The following ABCA13 variants were observed in gnomAD, a reference collection of about 807,000 sequenced individuals.
The protein encoded by ABCA13 is ATP binding cassette subfamily A member 13.
A neutral mutation model predicts 478.7 loss-of-function variants in ABCA13; 476 were observed. That is an observed-to-expected ratio of 0.99 (90% CI 0.92 to 1.07). The LOEUF is 1.07. Among genes scored for constraint, ABCA13 ranks in the 50% least tolerant of loss-of-function variants. ABCA13 has a pLI of 0.00. For synonymous variants in ABCA13, 2,252 were observed against 2,158.9 expected, an observed-to-expected ratio of 1.04 and a Z score of -1.20; for missense variants, 6,060 against 5,910.6, an observed-to-expected ratio of 1.03 and a Z score of -0.83.
intron 59 of ABCA13, among the ~76,000 whole-genome samples, chr7:48,637,558 GA>G (rs1794775699): frequency 6.6e-6 from 1 of 151,932 alleles, no homozygotes; most frequent in South Asian, 2.1e-4. Flanking sequence ...GAAATGAAGG[GA>G]AATGTTCAGA....
Position 48,368,264 on chromosome 7 carries a change from AT to A in ABCA13, c.10803+364del, listed in dbSNP as rs974771764. On this transcript the variant is annotated intron_variant, in intron 32 of 61. Coordinates refer to ENST00000435803, the MANE Select transcript of ABCA13 (RefSeq NM_152701.5). ...GAATTTTTTATGTAGAGACCCTGCT[AT>A]TTTTTTTGTAATACTGTTATAAAAC... is the stretch of plus-strand genomic sequence containing the variant. Among the ~76,000 whole-genome samples, 43 of 152,032 alleles carry A rather than the reference AT, an allele frequency of 2.8e-4. No individual in the cohort carries two copies. The South Asian group carries it at 3.7e-3, about 13-fold the overall frequency.
In ABCA13 at chr7:48,278,943, A is replaced by G. The variant is rs762302345; in HGVS notation, c.7749A>G (p.Thr2583=). 3 of 1,613,488 alleles carry G rather than the reference A, an allele frequency of 1.9e-6. No individual in the cohort carries two copies. The highest frequency in any genetic ancestry group is 2.5e-6 in the Non-Finnish European group (3 of 1,179,840). Residue 2583 remains threonine, a synonymous_variant, in exon 18 of 62, where the codon ACA becomes ACG. Coordinates refer to ENST00000435803, the MANE Select transcript of ABCA13 (RefSeq NM_152701.5). Reference sequence around the variant, plus strand: ...CTTTAAAAAAAATAGATCATTTCACATTTGAAAAGATAAATGATTTGTTGG... The same window carrying G: ...CTTTAAAAAAAATAGATCATTTCACGTTTGAAAAGATAAATGATTTGTTGG... The part of the protein sequence containing the change: ...IATLKKIDHF[T]FEKINDLLVP...
At chr7:48,482,978 A>G in intron 46 of ABCA13, 98 bp from the exon 47 acceptor site, 1 of 923,776 alleles carries the variant, frequency 1.1e-6, no homozygotes, top group South Asian at 1.7e-5. Flanking sequence ...TACTGTCCTA[A>G]GACTGCTGTA....
intron 42 of ABCA13, among the ~76,000 whole-genome samples, chr7:48,440,205 C>A (rs980030810): frequency 6.6e-6 from 1 of 152,086 alleles, no homozygotes; most frequent in South Asian, 2.1e-4. Flanking sequence ...TACATACCTG[C>A]GTAACCACCA....
Position 48,427,771 on chromosome 7 carries a change from T to A in ABCA13, c.12465T>A (p.Phe4155Leu), listed in dbSNP as rs559798644. 1 of 1,612,756 alleles carries A rather than the reference T, an allele frequency of 6.2e-7. No homozygotes were observed. Among genetic ancestry groups the A allele is most frequent in the Admixed American group, 1.7e-5 (1 of 59,964 alleles). ...GISDTTLEEV[F>L]LMLLQDSNKK... ...CGTTTTTTTTTCTCCGAAAGGTGTT[T>A]TTGATGCTTTTGCAAGATTCCAACA... The change falls in exon 42 of 62, where the codon TTT becomes TTA. Residue 4155 changes from phenylalanine (F) to leucine (L), a missense_variant. Around this residue, in one of 3 missense-constraint regions of ABCA13, gnomAD observed 1,627 missense variants for 1,571.0 expected, o/e 1.04. Transcript: ENST00000435803.
intron 39 of ABCA13, among the ~76,000 whole-genome samples, chr7:48,409,012 A>T (rs1308171018): frequency 6.6e-6 from 1 of 152,176 alleles, no homozygotes; most frequent in Non-Finnish European, 1.5e-5. Flanking sequence ...CATTCCAATT[A>T]TGGGTTACAG....
intron 45 of ABCA13, among the ~76,000 whole-genome samples, chr7:48,475,455 T>A (rs1238234127): frequency 6.7e-6 from 1 of 148,464 alleles, no homozygotes; most frequent in Admixed American, 7.0e-5. Context: ...GCATGTCAAT[T>A]TAATTTTTTT....
chr7:48,631,543 T>C (rs1185905044), intron 59 of ABCA13, among the ~76,000 whole-genome samples: 1 of 152,150 alleles, frequency 6.6e-6, no homozygotes, highest in East Asian at 1.9e-4. Flanking sequence ...CCATGATGTT[T>C]TGGTTATTGT....
chr7:48,437,970 A>G (rs975146921), intron 42 of ABCA13, among the ~76,000 whole-genome samples: 2 of 151,984 alleles, frequency 1.3e-5, no homozygotes, highest in East Asian at 3.9e-4. Flanking sequence ...GTATTCCCCT[A>G]TCTATAATCT....
intron 42 of ABCA13, among the ~76,000 whole-genome samples, chr7:48,440,199 T>C (rs1404970094): frequency 6.6e-6 from 1 of 152,158 alleles, no homozygotes; most frequent in Admixed American, 6.6e-5. Context: ...CCATGGTACA[T>C]ACCTGCGTAA....
At chr7:48,341,280 C>A (rs1167330847) in intron 29 of ABCA13, among the ~76,000 whole-genome samples, 1 of 152,098 alleles carries the variant, frequency 6.6e-6, no homozygotes, top group African/African-American at 2.4e-5. Flanking sequence ...TTTGTCTGTG[C>A]AGACGCCACC....
At chr7:48,312,928 T>C (rs1801983581) in intron 24 of ABCA13, 139 bp from the exon 25 acceptor site, 3 of 813,058 alleles carry the variant, frequency 3.7e-6, no homozygotes, top group East Asian at 2.9e-5. Flanking sequence ...AACTTTCATA[T>C]AGTACCGCAA....
At chr7:48,325,883 C>A (rs1462839935) in intron 27 of ABCA13, among the ~76,000 whole-genome samples, 2 of 152,144 alleles carry the variant, frequency 1.3e-5, no homozygotes, top group African/African-American at 4.8e-5. Flanking sequence ...ACAACCATGG[C>A]CCTTAGTATG....
At chr7:48,500,367 C>A (rs1830639005) in intron 48 of ABCA13, among the ~76,000 whole-genome samples, 1 of 152,022 alleles carries the variant, frequency 6.6e-6, no homozygotes. Flanking sequence ...CTAGGACAAC[C>A]AAGGACCTTA....
chr7:48,248,521 G>T, intron 14 of ABCA13, 77 bp downstream of exon 14: 1 of 1,185,580 alleles, frequency 8.4e-7, no homozygotes, highest in South Asian at 1.8e-5. Flanking sequence ...CTACACAAAT[G>T]ATAGATCAAT....
At chr7:48,496,439 A>C (rs1463525421) in intron 48 of ABCA13, among the ~76,000 whole-genome samples, 1 of 152,108 alleles carries the variant, frequency 6.6e-6, no homozygotes, top group Non-Finnish European at 1.5e-5. Flanking sequence ...ATGGTGTTCT[A>C]ATTCTTAGTT....
At chr7:48,367,738 A>T in intron 31 of ABCA13, 56 bp from the exon 32 acceptor site, 1 of 1,368,344 alleles carries the variant, frequency 7.3e-7, no homozygotes, top group Non-Finnish European at 1.0e-6. Flanking sequence ...AAATGTAAAA[A>T]ATTAGTAGAG....
At position 48,317,172 on chromosome 7, in the gene ABCA13, A is replaced by G. The variant is rs750360443; in HGVS notation, c.9875A>G (p.Lys3292Arg). The G allele has an allele frequency of 1.2e-6, 2 of 1,611,914 alleles. No homozygotes were observed. Among genetic ancestry groups the G allele is most frequent in the Admixed American group, 3.3e-5 (2 of 59,744 alleles). ...IPEDSTPFCL[K>R]LYQEILQLPN... ...ATTGCAACAGCACCGTTTTGCTTGA[A>G]GCTTTATCAGGAAATTCTACAATTG... The change falls in exon 27 of 62, where the codon AAG becomes AGG. Residue 3292 changes from lysine to arginine, a missense_variant. Lys to Arg is a conservative substitution (Grantham distance 26). Coordinates refer to ENST00000435803, the MANE Select transcript of ABCA13 (RefSeq NM_152701.5).
intron 55 of ABCA13, among the ~76,000 whole-genome samples, chr7:48,542,957 T>A (rs1037826947): frequency 6.6e-6 from 1 of 151,912 alleles, no homozygotes. Context: ...AATGTCTTTC[T>A]AATTGGATTG....
Sources: allele counts gnomAD v4.1 joint callset (sites outside exome capture counted in the v4.1 genomes callset), GRCh38; gene constraint gnomAD v4.1.1; regional missense constraint gnomAD v4.1.1; transcripts MANE v1.5; gene names NCBI Gene and HGNC (gene_info 2026-07-23, HGNC 2026-07-21).